VTI1B: variants seen among roughly 807,000 people sequenced by gnomAD.
VTI1B encodes vesicle transport through interaction with t-SNAREs homolog 1B.
VTI1B carries 18 observed loss-of-function variants against 28.6 expected under a neutral mutation model. The ratio of observed to expected loss-of-function variants is 0.63; its 90% CI spans 0.43 to 0.93. The LOEUF is 0.93. Ranked by LOEUF, VTI1B falls within the 40% of genes least tolerant of loss-of-function variation. The pLI, the probability that VTI1B is intolerant of heterozygous loss-of-function variation, is 0.00. For synonymous variants in VTI1B, 100 were observed against 107.9 expected, an observed-to-expected ratio of 0.93 and a Z score of 0.46; for missense variants, 283 against 297.0, an observed-to-expected ratio of 0.95 and a Z score of 0.35.
In VTI1B at chr14:67,650,739, T is replaced by C. The variant is rs772276999; in HGVS notation, c.*646A>G. On this transcript the variant is annotated 3_prime_UTR_variant, in exon 6 of 6. Coordinates refer to ENST00000554659, the MANE Select transcript of VTI1B (RefSeq NM_006370.3). ...GGGTTGCTATCAGCACTGGATCTTG[T>C]TGAAGTCAATCCTCAGTTGGCCACC... 6.2e-6 allele frequency: 10 copies of C among 1,614,066 alleles called. No homozygotes were observed. Among genetic ancestry groups the C allele is most frequent in the Non-Finnish European group, 7.6e-6 (9 of 1,180,024 alleles).
In VTI1B at chr14:67,647,764, G is replaced by A. The variant is rs913452717; in HGVS notation, c.*3621C>T. The A allele has an allele frequency of 8.4e-5, 28 of 332,704 alleles. No individual in the cohort carries two copies. Among genetic ancestry groups the A allele is most frequent in the Non-Finnish European group, 1.2e-4 (21 of 181,612 alleles). The allele number at this position is 332,704 out of a possible 1,614,324, so 20.6% of individuals were successfully genotyped here. On this transcript the variant is annotated 3_prime_UTR_variant, in exon 6 of 6. Coordinates refer to ENST00000554659, the MANE Select transcript of VTI1B (RefSeq NM_006370.3). ...TCTATTGACAGTTATTAGTATAAGA[G>A]GTTCTAATACCCAGTGTAAGGCAGA...
At chr14:67,659,282 G>C (rs577284427) in intron 3 of VTI1B, among the ~76,000 whole-genome samples, 2 of 152,240 alleles carry the variant, frequency 1.3e-5, no homozygotes, top group Admixed American at 1.3e-4. Context: ...GGAAAGCTTG[G>C]ATTGATTTTG....
Position 67,653,511 on chromosome 14 carries a change from AAT to A in VTI1B, c.541-15_541-14del, listed in dbSNP as rs776220140. ...TTGTGTTTACCAGCTGAGAAGAGAAAATAGTGATTATTTCCCTCTTTAAAAAG... is the reference window on the plus strand; with the variant it reads ...TTGTGTTTACCAGCTGAGAAGAGAAAAGTGATTATTTCCCTCTTTAAAAAG... On this transcript the variant is annotated splice_polypyrimidine_tract_variant and intron_variant, in intron 4 of 5. Coordinates refer to ENST00000554659, the MANE Select transcript of VTI1B (RefSeq NM_006370.3). The A allele has an allele frequency of 1.2e-5, 20 of 1,610,994 alleles. No homozygotes were observed. The Admixed American group carries it at 3.3e-4, about 27-fold the overall frequency.
chr14:67,674,622 T>C lies in VTI1B; in HGVS notation c.-133A>G. On this transcript the variant is annotated 5_prime_UTR_variant, in exon 1 of 6. Coordinates refer to ENST00000554659, the MANE Select transcript of VTI1B (RefSeq NM_006370.3). ...CCACCGCCGCCCAGGACGAGGCTCTTCCGGAGCCGCGGCAGGGTCCTCTCG... is the reference window on the plus strand; with the variant it reads ...CCACCGCCGCCCAGGACGAGGCTCTCCCGGAGCCGCGGCAGGGTCCTCTCG... The C allele has an allele frequency of 1.6e-6, 1 of 640,408 alleles. No individual in the cohort carries two copies. The highest frequency in any genetic ancestry group is 2.4e-6 in the Non-Finnish European group (1 of 414,708). The allele number at this position is 640,408 out of a possible 1,614,324, so 39.7% of individuals were successfully genotyped here. A position where few individuals can be genotyped will look rare whatever the true frequency, so the allele number is the denominator to read the frequency against.
In VTI1B at chr14:67,651,353, G is replaced by A. The variant is rs571839108; in HGVS notation, c.*32C>T. 4 of 1,612,892 alleles carry A rather than the reference G, an allele frequency of 2.5e-6. No individual in the cohort carries two copies. Among genetic ancestry groups the A allele is most frequent in the South Asian group, 2.2e-5 (2 of 91,012 alleles). On this transcript the variant is annotated 3_prime_UTR_variant, in exon 6 of 6. Coordinates refer to ENST00000554659, the MANE Select transcript of VTI1B (RefSeq NM_006370.3). ...AACATCATGCATTCACAAGGTCAAA[G>A]TTCTGGTCCACAAACCCTTCCCTAT...
chr14:67,667,202 C>G (rs1274845514), intron 1 of VTI1B, among the ~76,000 whole-genome samples: 4 of 152,158 alleles, frequency 2.6e-5, no homozygotes, highest in African/African-American at 9.7e-5. Context: ...TAATGTTTGA[C>G]CAAGGTGGGC....
At chr14:67,655,067 C>T (rs1349670854) in intron 4 of VTI1B, among the ~76,000 whole-genome samples, 2 of 142,636 alleles carry the variant, frequency 1.4e-5, no homozygotes, top group African/African-American at 5.2e-5. Flanking sequence ...CAGCTGGGCA[C>T]AGTGGCTCAT....
At chr14:67,669,558 C>T (rs1255187651) in intron 1 of VTI1B, among the ~76,000 whole-genome samples, 1 of 151,806 alleles carries the variant, frequency 6.6e-6, no homozygotes, top group East Asian at 1.9e-4. Context: ...CGAGCCACCA[C>T]ACCTGGCCCC....
intron 1 of VTI1B, among the ~76,000 whole-genome samples, chr14:67,669,853 A>G (rs1176573582): frequency 6.6e-6 from 1 of 152,180 alleles, no homozygotes; most frequent in Non-Finnish European, 1.5e-5. Flanking sequence ...TAACCCCAGC[A>G]CTTTAAGAGG....
chr14:67,647,903 T>C lies in VTI1B; in HGVS notation c.*3482A>G. On this transcript the variant is annotated 3_prime_UTR_variant, in exon 6 of 6. Coordinates refer to ENST00000554659, the MANE Select transcript of VTI1B (RefSeq NM_006370.3). The stretch of plus-strand genomic sequence containing the variant: ...CAGTAACTTCCAAGAATAGGAAGCC[T>C]GGAAATGTATTAACAGCTTTATTAA... 1.2e-6 allele frequency: 1 copy of C among 801,672 alleles called. No homozygotes were observed. 49.7% of individuals were successfully genotyped at this position (801,672 alleles called of 1,614,324 possible). A position where few individuals can be genotyped will look rare whatever the true frequency, so the allele number is the denominator to read the frequency against.
rs774025142 is a variant in VTI1B, at chr14:67,649,716, G to A, written c.*1669C>T. 4.6e-5 allele frequency: 7 copies of A among 152,086 alleles called. No individual in the cohort carries two copies. The highest frequency in any genetic ancestry group is 9.7e-5 in the African/African-American group (4 of 41,406). 9.4% of individuals were successfully genotyped at this position (152,086 alleles called of 1,614,324 possible). On this transcript the variant is annotated 3_prime_UTR_variant, in exon 6 of 6. Coordinates refer to ENST00000554659, the MANE Select transcript of VTI1B (RefSeq NM_006370.3). ...TTGCTAATAAGGGAAGATGCTGAACGGACATGATGGCATTCAGCACATCAT... is the reference window on the plus strand; with the variant it reads ...TTGCTAATAAGGGAAGATGCTGAACAGACATGATGGCATTCAGCACATCAT...
At chr14:67,652,758 C>G (rs577326079) in intron 5 of VTI1B, 1 of 152,182 alleles carries the variant, frequency 6.6e-6, no homozygotes, top group African/African-American at 2.4e-5. Context: ...AAGTACTATG[C>G]AAGTGAAAAC....
chr14:67,673,614 G>C (rs2037496827), intron 1 of VTI1B, among the ~76,000 whole-genome samples: 1 of 152,282 alleles, frequency 6.6e-6, no homozygotes, highest in East Asian at 1.9e-4. Context: ...ATTCTCACCA[G>C]TCATTCAATT....
rs1458207258 is a variant in VTI1B, at chr14:67,656,599, G to A, written c.367-10C>T. On this transcript the variant is annotated splice_polypyrimidine_tract_variant and intron_variant, in intron 3 of 5. Coordinates refer to ENST00000554659, the MANE Select transcript of VTI1B (RefSeq NM_006370.3). ...GAGACTGTAGCCGATTCTGAAAGAA[G>A]TATGGAAGAGAAATGTTAGACTTTT... 1.3e-6 allele frequency: 2 copies of A among 1,591,974 alleles called. No homozygotes were observed. Among genetic ancestry groups the A allele is most frequent in the African/African-American group, 1.4e-5 (1 of 73,938 alleles).
In VTI1B at chr14:67,648,302, C is replaced by T; in HGVS notation, c.*3083G>A. 3.4e-6 allele frequency: 4 copies of T among 1,167,500 alleles called. No individual in the cohort carries two copies. The highest frequency in any genetic ancestry group is 4.7e-6 in the Non-Finnish European group (4 of 851,398). 72.3% of individuals were successfully genotyped at this position (1,167,500 alleles called of 1,614,324 possible). A position where few individuals can be genotyped will look rare whatever the true frequency, so the allele number is the denominator to read the frequency against. The stretch of plus-strand genomic sequence containing the variant: ...ATTGCAGAGTTTGTTTTTGCTTAAA[C>T]TTTTGTAGCTAAAAATTATATGGCC... On this transcript the variant is annotated 3_prime_UTR_variant, in exon 6 of 6. Transcript: ENST00000554659.
chr14:67,663,872 T>G (rs2037369908), intron 1 of VTI1B, among the ~76,000 whole-genome samples: 1 of 152,156 alleles, frequency 6.6e-6, no homozygotes, highest in African/African-American at 2.4e-5. Context: ...CATGTAAACT[T>G]AGATAATTTC....
intron 1 of VTI1B, among the ~76,000 whole-genome samples, chr14:67,673,084 C>T (rs112913677): frequency 7.9e-5 from 12 of 152,210 alleles, no homozygotes; most frequent in African/African-American, 2.9e-4. Context: ...ACTTTCACAA[C>T]CGCCCTATTT....
intron 1 of VTI1B, among the ~76,000 whole-genome samples, chr14:67,670,326 G>A (rs2037450894): frequency 6.6e-6 from 1 of 152,022 alleles, no homozygotes; most frequent in South Asian, 2.1e-4. Flanking sequence ...TGTTTCACCT[G>A]CCCCTCTACT....
chr14:67,666,569 G>C (rs1018591709), intron 1 of VTI1B, among the ~76,000 whole-genome samples: 1 of 152,210 alleles, frequency 6.6e-6, no homozygotes, highest in Non-Finnish European at 1.5e-5. Context: ...GATAATTCAA[G>C]AGACTGATCT....
Sources: allele counts gnomAD v4.1 joint callset (sites outside exome capture counted in the v4.1 genomes callset), GRCh38; gene constraint gnomAD v4.1.1; transcripts MANE v1.5; gene names NCBI Gene and HGNC (gene_info 2026-07-23, HGNC 2026-07-21).